The following POP4 variants were observed in gnomAD, a reference collection of about 807,000 sequenced individuals.
POP4 encodes the protein POP4 ribonuclease P/MRP subunit, also known as ribonuclease P protein subunit p29.
Under a neutral mutation model 29.9 loss-of-function variants are expected in POP4, and 31 were observed. The observed-to-expected ratio is 1.04, with a 90% CI of 0.78 to 1.40. The LOEUF (loss-of-function observed/expected upper bound fraction) is 1.40, where lower values mean the gene tolerates loss of function less well. Among genes scored for constraint, POP4 ranks in the 40% most tolerant of loss-of-function variants. The pLI is 0.00. For synonymous variants in POP4, 110 were observed against 108.2 expected, an observed-to-expected ratio of 1.02 and a Z score of -0.10; for missense variants, 286 against 282.7, an observed-to-expected ratio of 1.01 and a Z score of -0.08.
At chr19:29,608,531 A>G (rs1971030219) in intron 1 of POP4, 126 bp from the exon 2 acceptor site, 15 of 915,512 alleles carry the variant, frequency 1.6e-5, no homozygotes, top group Non-Finnish European at 3.4e-6. Context: ...TGGCCTCCCA[A>G]AGTGCTAGGA....
chr19:29,615,591 A>G lies in POP4; in HGVS notation c.*211A>G, dbSNP rs1449450292. On this transcript the variant is annotated 3_prime_UTR_variant, in exon 7 of 7. Transcript: ENST00000585603. Reference sequence around the variant, plus strand: ...GGACAGAGGAATTTCTCTTTCTAGGAGATTTTCATTTTGTGTGACTCCCAT... The same window carrying G: ...GGACAGAGGAATTTCTCTTTCTAGGGGATTTTCATTTTGTGTGACTCCCAT... 1.1e-5 allele frequency: 5 copies of G among 473,476 alleles called. No individual in the cohort carries two copies. Among genetic ancestry groups the G allele is most frequent in the Non-Finnish European group, 1.8e-5 (5 of 276,222 alleles). The allele number at this position is 473,476 out of a possible 1,614,324, so 29.3% of individuals were successfully genotyped here.
intron 5 of POP4, 170 bp from the exon 6 acceptor site, chr19:29,613,701 G>A (rs1403850098): frequency 4.0e-6 from 4 of 1,011,032 alleles, no homozygotes; most frequent in East Asian, 5.4e-5. Context: ...CTGGATTCTT[G>A]TTGGTTACAT....
rs1971130806 is a variant in POP4 at position 29,616,320 on chromosome 19, G to C, written c.*940G>C. On this transcript the variant is annotated 3_prime_UTR_variant, in exon 7 of 7. Coordinates refer to ENST00000585603, the MANE Select transcript of POP4 (RefSeq NM_006627.3). ...GGGCCAGAGGAAAAGCGGGCCCAGG[G>C]CTGCAGTGAGAGCGGGGCAGGGGAC... is the stretch of plus-strand genomic sequence containing the variant. The C allele has an allele frequency of 1.3e-5, 2 of 152,572 alleles. No individual in the cohort carries two copies. Among genetic ancestry groups the C allele is most frequent in the Non-Finnish European group, 2.9e-5 (2 of 68,364 alleles). 9.5% of individuals were successfully genotyped at this position (152,572 alleles called of 1,614,324 possible). A position where few individuals can be genotyped will look rare whatever the true frequency, so the allele number is the denominator to read the frequency against.
chr19:29,609,059 C>A, intron 2 of POP4: 1 of 200,116 alleles, frequency 5.0e-6, no homozygotes, highest in Non-Finnish European at 1.0e-5. Context: ...AATCACATAT[C>A]ATAAGTGAAA....
At chr19:29,608,843 G>A (rs1971034406) in intron 2 of POP4, 134 bp downstream of exon 2, 4 of 855,964 alleles carry the variant, frequency 4.7e-6, no homozygotes, top group Non-Finnish European at 7.5e-6. Context: ...GACATCTAAG[G>A]CTGGATCAAA....
chr19:29,614,488 G>A, intron 6 of POP4, among the ~76,000 whole-genome samples: 1 of 149,616 alleles, frequency 6.7e-6, no homozygotes, highest in East Asian at 2.0e-4. Flanking sequence ...ATAGTTAGAA[G>A]GTTTTGTTCC....
intron 1 of POP4, among the ~76,000 whole-genome samples, chr19:29,607,046 G>A (rs982488763): frequency 8.5e-5 from 13 of 152,276 alleles, no homozygotes; most frequent in Admixed American, 5.2e-4. Flanking sequence ...GGCCCCGCAA[G>A]TTGCTCTCTA....
intron 1 of POP4, among the ~76,000 whole-genome samples, 176 bp from the exon 2 acceptor site, chr19:29,608,481 G>A (rs779620684): frequency 4.6e-5 from 7 of 151,894 alleles, no homozygotes; most frequent in Non-Finnish European, 1.0e-4. Context: ...TGGCCAGGCC[G>A]GTCTTGAACT....
At chr19:29,611,707 G>T (rs1971071137) in intron 3 of POP4, 155 bp from the exon 4 acceptor site, 4 of 647,362 alleles carry the variant, frequency 6.2e-6, no homozygotes, top group Admixed American at 5.3e-5. Context: ...CTTGGTCTCG[G>T]TTATCAGCTC....
chr19:29,611,932 C>A lies in POP4; in HGVS notation c.355C>A (p.Pro119Thr). 1 of 1,613,846 alleles carries A rather than the reference C, an allele frequency of 6.2e-7. No individual in the cohort carries two copies. The highest frequency in any genetic ancestry group is 8.5e-7 in the Non-Finnish European group (1 of 1,179,706). The part of the protein sequence containing the change: ...YIRDLCSGLK[P>T]DTQPQMIQAK... ...CAGGGACCTGTGCAGTGGGCTCAAG[C>A]CAGACACGTAAGTTGCATTCCTGAA... Residue 119 changes from proline to threonine, a missense_variant, in exon 4 of 7, where the codon CCA becomes ACA. By Grantham distance (38) the Pro-to-Thr change is conservative. Transcript: ENST00000585603.
chr19:29,612,739 G>A (rs979449480), intron 5 of POP4, among the ~76,000 whole-genome samples: 2 of 152,170 alleles, frequency 1.3e-5, no homozygotes, highest in Non-Finnish European at 1.5e-5. Flanking sequence ...TACACTGGTT[G>A]TTCAGACCAA....
chr19:29,610,308 T>C, intron 2 of POP4, 101 bp from the exon 3 acceptor site: 3 of 1,104,364 alleles, frequency 2.7e-6, no homozygotes, highest in Non-Finnish European at 3.8e-6. Context: ...TGGGCCCCAT[T>C]TGCTCTTGCA....
rs1464283712 is a variant in POP4, at chr19:29,616,165, C to T, written c.*785C>T. 1 of 152,224 alleles carries T rather than the reference C, an allele frequency of 6.6e-6. No individual in the cohort carries two copies. The highest frequency in any genetic ancestry group is 1.9e-4 in the East Asian group (1 of 5,200). The allele number at this position is 152,224 out of a possible 1,614,324, so 9.4% of individuals were successfully genotyped here. ...CCGAGGTGAGACCTGCTGCAAAAGC[C>T]AAGCCAGCAGCATTGACGCCCTTTG... On this transcript the variant is annotated 3_prime_UTR_variant, in exon 7 of 7. Transcript: ENST00000585603.
chr19:29,612,696 G>C (rs1971084875), intron 5 of POP4, among the ~76,000 whole-genome samples: 1 of 152,132 alleles, frequency 6.6e-6, no homozygotes, highest in Admixed American at 6.5e-5. Flanking sequence ...ACCCCTCCTG[G>C]TCTTTTCCAT....
chr19:29,611,021 C>T, intron 3 of POP4: 2 of 217,818 alleles, frequency 9.2e-6, no homozygotes, highest in South Asian at 1.3e-4. Flanking sequence ...AAGATGTTGC[C>T]CACACGTTTC....
At chr19:29,614,285 C>T (rs1971106586) in intron 6 of POP4, among the ~76,000 whole-genome samples, 1 of 152,230 alleles carries the variant, frequency 6.6e-6, no homozygotes, top group Non-Finnish European at 1.5e-5. Flanking sequence ...CCAAAGGCTG[C>T]TGCTCCCAGA....
rs530370053 is a variant in POP4 at position 29,615,487 on chromosome 19, A to C, written c.*107A>C. On this transcript the variant is annotated 3_prime_UTR_variant, in exon 7 of 7. Coordinates refer to ENST00000585603, the MANE Select transcript of POP4 (RefSeq NM_006627.3). Reference sequence around the variant, plus strand: ...GTTAAGCCAATTCCATTTATAGACCACCTCCAGCCAGTGACGCTCCGAGTT... The same window carrying C: ...GTTAAGCCAATTCCATTTATAGACCCCCTCCAGCCAGTGACGCTCCGAGTT... The C allele has an allele frequency of 4.2e-5, 52 of 1,231,668 alleles. No homozygotes were observed. Among genetic ancestry groups the C allele is most frequent in the East Asian group, 2.5e-4 (10 of 40,168 alleles). The allele number at this position is 1,231,668 out of a possible 1,614,324, so 76.3% of individuals were successfully genotyped here.
chr19:29,612,548 G>A (rs1280759548), intron 5 of POP4, among the ~76,000 whole-genome samples: 1 of 152,122 alleles, frequency 6.6e-6, no homozygotes, highest in Non-Finnish European at 1.5e-5. Flanking sequence ...AGCCCCCAAG[G>A]TGACATCTCC....
At chr19:29,611,179 T>C (rs1687778479) in intron 3 of POP4, 1 of 155,688 alleles carries the variant, frequency 6.4e-6, no homozygotes, top group African/African-American at 2.4e-5. Context: ...AACGGCCAAA[T>C]AGCCTCCCAC....
Sources: gnomAD v4.1 joint callset for allele counts (sites outside exome capture counted in the v4.1 genomes callset) on GRCh38, gnomAD v4.1.1 for gene constraint, MANE v1.5 for transcripts, NCBI Gene and HGNC (gene_info 2026-07-23, HGNC 2026-07-21) for gene names.